The following ARHGAP29 variants were observed in gnomAD, a reference collection of about 807,000 sequenced individuals.
ARHGAP29 encodes the protein Rho GTPase activating protein 29.
A neutral mutation model predicts 122.6 loss-of-function variants in ARHGAP29; 43 were observed. That is an observed-to-expected ratio of 0.35 (90% CI 0.27 to 0.45). The LOEUF (loss-of-function observed/expected upper bound fraction) is 0.45. Ranked by LOEUF, ARHGAP29 falls within the 20% of genes least tolerant of loss-of-function variation. The pLI is 1.00. For synonymous variants in ARHGAP29, 506 were observed against 497.1 expected, an observed-to-expected ratio of 1.02 and a Z score of -0.24; for missense variants, 1,303 against 1,477.2, an observed-to-expected ratio of 0.88 and a Z score of 1.93.
At chr1:94,208,782 C>G in intron 5 of ARHGAP29, 50 bp downstream of exon 5, 1 of 1,568,630 alleles carries the variant, frequency 6.4e-7, no homozygotes, top group Non-Finnish European at 8.8e-7. Flanking sequence ...ATAGTTGAAA[C>G]ATGAAGTTAA....
At chr1:94,244,795 T>G (rs1201514997) in intron 1 of ARHGAP29, among the ~76,000 whole-genome samples, 1 of 152,140 alleles carries the variant, frequency 6.6e-6, no homozygotes, top group Non-Finnish European at 1.5e-5. Flanking sequence ...AAACTTCTGC[T>G]CTTTGAGAGA....
At chr1:94,254,015 C>G (rs1360713399) in intron 1 of ARHGAP29, among the ~76,000 whole-genome samples, 1 of 152,128 alleles carries the variant, frequency 6.6e-6, no homozygotes, top group Non-Finnish European at 1.5e-5. Context: ...ATCATCCAAC[C>G]ATTTAGATAC....
At chr1:94,229,816 A>G (rs1652823579) in intron 2 of ARHGAP29, among the ~76,000 whole-genome samples, 1 of 151,618 alleles carries the variant, frequency 6.6e-6, no homozygotes, top group Admixed American at 6.6e-5. Flanking sequence ...AAACTCTTAT[A>G]AAAATTTTTT....
At chr1:94,273,914 C>A (rs1655088942) in intron 1 of ARHGAP29, among the ~76,000 whole-genome samples, 1 of 150,790 alleles carries the variant, frequency 6.6e-6, no homozygotes, top group Non-Finnish European at 1.5e-5. Flanking sequence ...AAAAAAAAGA[C>A]AAGAAAGAAT....
At chr1:94,271,343 C>G (rs995882050) in intron 1 of ARHGAP29, among the ~76,000 whole-genome samples, 25 of 152,298 alleles carry the variant, frequency 1.6e-4, no homozygotes, top group Middle Eastern at 3.4e-3. Flanking sequence ...ATTACCTTTG[C>G]TTTGTTCTAT....
At position 94,209,243 on chromosome 1, in the gene ARHGAP29, T is replaced by A. The variant is rs749295797; in HGVS notation, c.437+11A>T. On this transcript the variant is annotated intron_variant, in intron 4 of 22. Coordinates refer to ENST00000260526, the MANE Select transcript of ARHGAP29 (RefSeq NM_004815.4). Reference sequence around the variant, plus strand: ...AGGACTAGTTGCTTTAAATGACAGTTCTCTACTTACATATTTCCAAAGGTA... The same window carrying A: ...AGGACTAGTTGCTTTAAATGACAGTACTCTACTTACATATTTCCAAAGGTA... 1.9e-6 allele frequency: 3 copies of A among 1,587,156 alleles called. No homozygotes were observed. In the Admixed American group the frequency reaches 5.2e-5, roughly 27 times the overall value.
intron 3 of ARHGAP29, among the ~76,000 whole-genome samples, chr1:94,212,071 G>C (rs1392785068): frequency 6.6e-6 from 1 of 152,148 alleles, no homozygotes; most frequent in Non-Finnish European, 1.5e-5. Context: ...CTGAGGTCAG[G>C]AGTTTGAGAC....
At chr1:94,267,902 A>C (rs1041532870) in intron 1 of ARHGAP29, among the ~76,000 whole-genome samples, 1 of 152,218 alleles carries the variant, frequency 6.6e-6, no homozygotes, top group Non-Finnish European at 1.5e-5. Context: ...CCCAGTCTTC[A>C]CTATATAATA....
At chr1:94,255,146 A>G (rs929510306) in intron 1 of ARHGAP29, among the ~76,000 whole-genome samples, 1 of 152,232 alleles carries the variant, frequency 6.6e-6, no homozygotes, top group Non-Finnish European at 1.5e-5. Flanking sequence ...AGGGGCTTCA[A>G]ATGGGGTACT....
the ARHGAP29 span, among the ~76,000 whole-genome samples, chr1:94,293,626 T>G: frequency 6.6e-6 from 1 of 152,162 alleles, no homozygotes; most frequent in Non-Finnish European, 1.5e-5. Flanking sequence ...GTGACCCACC[T>G]CTTTTCTTTA....
In ARHGAP29 at chr1:94,196,262, T is replaced by TC. The variant is rs1275141202; in HGVS notation, c.1281+5457_1281+5458insG. ...TCGATTTTTCCGTGTTTTTCTTTTT[T>TC]TTTTTTTTTTTTTTTTTGAGACGGA... On this transcript the variant is annotated intron_variant, in intron 12 of 22. Transcript: ENST00000260526. 8.4e-4 allele frequency among the ~76,000 whole-genome samples: 105 copies of TC among 124,566 alleles called. 1 individual carries two copies. Among genetic ancestry groups the TC allele is most frequent in the Non-Finnish European group, 1.4e-3 (81 of 59,558 alleles). The allele number at this position is 124,566 out of a possible 152,430, so 81.7% of individuals were successfully genotyped here.
chr1:94,290,703 G>A, the ARHGAP29 span, among the ~76,000 whole-genome samples: 8 of 152,190 alleles, frequency 5.3e-5, no homozygotes, highest in Admixed American at 1.3e-4. Context: ...TCAGGAGCAG[G>A]TTGTTCAGTT....
chr1:94,254,807 C>T (rs1654265946), intron 1 of ARHGAP29, among the ~76,000 whole-genome samples: 1 of 152,190 alleles, frequency 6.6e-6, no homozygotes, highest in Non-Finnish European at 1.5e-5. Flanking sequence ...AGAGAGCTGG[C>T]ATTTTAATTT....
intron 1 of ARHGAP29, among the ~76,000 whole-genome samples, chr1:94,257,030 G>A (rs1654386325): frequency 6.6e-6 from 1 of 152,116 alleles, no homozygotes; most frequent in Non-Finnish European, 1.5e-5. Context: ...GATGGAGGCT[G>A]TTTGAAAATT....
the ARHGAP29 span, among the ~76,000 whole-genome samples, chr1:94,306,745 T>C: frequency 6.6e-6 from 1 of 152,170 alleles, no homozygotes; most frequent in Non-Finnish European, 1.5e-5. Flanking sequence ...GGGAACACAT[T>C]TGAGAATGCT....
chr1:94,226,574 A>G (rs569527403), intron 2 of ARHGAP29, among the ~76,000 whole-genome samples: 6 of 151,862 alleles, frequency 4.0e-5, no homozygotes, highest in African/African-American at 1.4e-4. Context: ...AATGACAAGT[A>G]CTCTGCGATC....
chr1:94,175,442 T>C (rs1038117063), intron 22 of ARHGAP29, among the ~76,000 whole-genome samples: 2 of 152,166 alleles, frequency 1.3e-5, no homozygotes, highest in Non-Finnish European at 2.9e-5. Flanking sequence ...CAGCCCTCCA[T>C]TCTCCTGCTT....
chr1:94,225,092 T>C (rs1652540274), intron 2 of ARHGAP29, among the ~76,000 whole-genome samples: 1 of 152,176 alleles, frequency 6.6e-6, no homozygotes, highest in Non-Finnish European at 1.5e-5. Context: ...GTCATGAGCA[T>C]GTCCTAATAA....
intron 1 of ARHGAP29, among the ~76,000 whole-genome samples, chr1:94,259,858 G>A (rs2100712128): frequency 6.6e-6 from 1 of 152,336 alleles, no homozygotes; most frequent in East Asian, 1.9e-4. Flanking sequence ...GATGGAACAG[G>A]AATCTGTGTT....
Sources: allele counts gnomAD v4.1 joint callset (sites outside exome capture counted in the v4.1 genomes callset), GRCh38; gene constraint gnomAD v4.1.1; transcripts MANE v1.5; gene names NCBI Gene and HGNC (gene_info 2026-07-23, HGNC 2026-07-21).